Variants in NAV3 observed in about 807,000 individuals in gnomAD.
NAV3 encodes the protein neuron navigator 3.
In NAV3, 87 loss-of-function variants were observed where a neutral mutation model predicts 244.7. That is an observed-to-expected ratio of 0.36 (90% CI 0.30 to 0.42). The LOEUF (loss-of-function observed/expected upper bound fraction) is 0.42, where lower values mean the gene tolerates loss of function less well. NAV3 is among the 20% of genes least tolerant of loss of function. NAV3 has a pLI of 1.00. For missense variants in NAV3, 2,663 were observed against 2,893.3 expected (o/e 0.92, Z 1.83); for synonymous variants, 1,126 against 1,042.2 (o/e 1.08, Z -1.55).
Position 77,807,608 on chromosome 12 carries a change from AT to A in NAV3, c.73-132704del, listed in dbSNP as rs1377583759. On this transcript the variant is annotated intron_variant, in intron 2 of 8. Transcript: ENST00000550042. Reference sequence around the variant, plus strand: ...ACCTTTCTCTCTGGCTGCCCATAATATTTTTTTCCTCTATTTCAACCTTGAT... The same window carrying A: ...ACCTTTCTCTCTGGCTGCCCATAATATTTTTTCCTCTATTTCAACCTTGAT... 2.6e-5 allele frequency among the ~76,000 whole-genome samples: 4 copies of A among 151,884 alleles called. No individual in the cohort carries two copies. The East Asian group carries it at 7.8e-4, about 29-fold the overall frequency.
At chr12:77,743,355 A>AG (rs1868377683) in intron 2 of NAV3, among the ~76,000 whole-genome samples, 2 of 151,878 alleles carry the variant, frequency 1.3e-5, no homozygotes, top group South Asian at 4.1e-4. Flanking sequence ...TTTTTCGACT[A>AG]GGGGTTGGTA....
At chr12:77,707,060 T>C (rs1875852087) in intron 2 of NAV3, among the ~76,000 whole-genome samples, 1 of 151,746 alleles carries the variant, frequency 6.6e-6, no homozygotes, top group Admixed American at 6.6e-5. Context: ...TTTTTTTCTT[T>C]CTTTCTTTCT....
chr12:78,028,859 G>A (rs140246017), intron 9 of NAV3, among the ~76,000 whole-genome samples: 20 of 152,324 alleles, frequency 1.3e-4, no homozygotes, highest in African/African-American at 4.8e-4. Flanking sequence ...TCCCCGAAAT[G>A]TGACTTGTTA....
rs528387886 is a variant in NAV3 at position 78,027,721 on chromosome 12, G to A, written c.2023+5859G>A. Among the ~76,000 whole-genome samples, 16 of 152,260 alleles carry A rather than the reference G, an allele frequency of 1.1e-4. No homozygotes were observed. In the South Asian group the frequency reaches 2.1e-3, roughly 20 times the overall value. ...TCTTTTCCATGCACACCCACAAAGG[G>A]TAATACAATGGCATGTGTGCAGAAT... On this transcript the variant is annotated intron_variant, in intron 9 of 39. Transcript: ENST00000397909.
Position 77,715,097 on chromosome 12 carries a change from CT to C in NAV3, c.72+142833del, listed in dbSNP as rs940081140. ...GTTGTAAAAGCAAGAACTATAAAAA[CT>C]TAGTTATAATACTTTGTGTCCATAT... On this transcript the variant is annotated intron_variant, in intron 2 of 8. Transcript: ENST00000550042. Among the ~76,000 whole-genome samples the C allele has an allele frequency of 9.3e-4, 141 of 152,020 alleles. 1 individual carries two copies. The highest frequency in any genetic ancestry group is 3.3e-3 in the African/African-American group (135 of 41,526).
At chr12:77,813,929 G>T (rs1351766893) in intron 2 of NAV3, among the ~76,000 whole-genome samples, 1 of 152,070 alleles carries the variant, frequency 6.6e-6, no homozygotes, top group East Asian at 1.9e-4. Flanking sequence ...CCTCTTTCTT[G>T]CTCTTCTCCT....
At chr12:77,775,360 C>T (rs1265918743) in intron 2 of NAV3, among the ~76,000 whole-genome samples, 1 of 151,180 alleles carries the variant, frequency 6.6e-6, no homozygotes, top group African/African-American at 2.4e-5. Context: ...CCATTGTACT[C>T]CAGCATGGGC....
chr12:77,682,370 A>G (rs569153278), intron 2 of NAV3, among the ~76,000 whole-genome samples: 29 of 152,290 alleles, frequency 1.9e-4, no homozygotes, highest in African/African-American at 6.5e-4. Flanking sequence ...CCCATTGTGT[A>G]TAGGTATTAC....
intron 1 of NAV3, among the ~76,000 whole-genome samples, chr12:77,930,775 T>G (rs1315173440): frequency 1.3e-5 from 2 of 152,180 alleles, no homozygotes; most frequent in East Asian, 3.8e-4. Flanking sequence ...GTATAATATA[T>G]CCTTATTTTA....
At chr12:78,123,258 A>C (rs1955754665) in intron 16 of NAV3, among the ~76,000 whole-genome samples, 1 of 152,184 alleles carries the variant, frequency 6.6e-6, no homozygotes, top group Non-Finnish European at 1.5e-5. Flanking sequence ...TAAAGCTTTA[A>C]ACATGGTCTT....
chr12:77,670,785 C>A (rs1873933591), intron 2 of NAV3, among the ~76,000 whole-genome samples: 1 of 152,002 alleles, frequency 6.6e-6, no homozygotes, highest in South Asian at 2.1e-4. Context: ...AAGGGGCAAA[C>A]CTTAGGGTAA....
At chr12:77,991,917 G>A (rs1200865472) in intron 5 of NAV3, among the ~76,000 whole-genome samples, 1 of 151,986 alleles carries the variant, frequency 6.6e-6, no homozygotes, top group Admixed American at 6.6e-5. Context: ...TGTAATCCCA[G>A]CTACTTGGGA....
intron 9 of NAV3, among the ~76,000 whole-genome samples, chr12:78,043,765 A>G (rs1881284620): frequency 2.0e-5 from 3 of 152,116 alleles, no homozygotes; most frequent in Non-Finnish European, 4.4e-5. Context: ...TACTTCACCC[A>G]CTTTTTGATG....
chr12:77,783,126 A>G (rs1286205085), intron 2 of NAV3: 2 of 151,516 alleles, frequency 1.3e-5, no homozygotes, highest in Non-Finnish European at 2.9e-5. Context: ...CATTTGTAGT[A>G]TTAAGAAAGC....
rs145416082 is a variant in NAV3 at position 78,092,590 on chromosome 12, C to T, written c.2637-24182C>T. Among the ~76,000 whole-genome samples, 669 of 148,674 alleles carry T rather than the reference C, an allele frequency of 4.5e-3. 4 individuals carry two copies. Among genetic ancestry groups the T allele is most frequent in the African/African-American group, 0.016 (637 of 40,494 alleles). ...TCTTGGTTCACTGCAATCTCCGCCT[C>T]CCGGGTTCACGCCATTTTCCTGGCT... On this transcript the variant is annotated intron_variant, in intron 12 of 39. Transcript: ENST00000397909.
intron 5 of NAV3, among the ~76,000 whole-genome samples, chr12:77,990,524 G>A (rs1040579513): frequency 3.9e-5 from 6 of 152,162 alleles, no homozygotes; most frequent in Non-Finnish European, 7.4e-5. Context: ...ACAAATGTAA[G>A]TTTCTCAGAT....
chr12:77,627,166 A>AC (rs1241854352), intron 2 of NAV3, among the ~76,000 whole-genome samples: 1 of 152,132 alleles, frequency 6.6e-6, no homozygotes, highest in Non-Finnish European at 1.5e-5. Context: ...GCAAAGATAC[A>AC]CATTGACTGA....
At chr12:78,016,489 G>A (rs1053755487) in intron 8 of NAV3, among the ~76,000 whole-genome samples, 3 of 152,032 alleles carry the variant, frequency 2.0e-5, no homozygotes, top group African/African-American at 7.3e-5. Context: ...CCTGAATCGA[G>A]TAAATCTTCC....
At chr12:77,608,904 G>A (rs905507395) in intron 2 of NAV3, among the ~76,000 whole-genome samples, 2 of 151,914 alleles carry the variant, frequency 1.3e-5, no homozygotes, top group South Asian at 2.1e-4. Flanking sequence ...ACATTTATTG[G>A]CCTCAGTTTC....
Sources: gnomAD v4.1 joint callset for allele counts (sites outside exome capture counted in the v4.1 genomes callset) on GRCh38, gnomAD v4.1.1 for gene constraint, MANE v1.5 for transcripts, NCBI Gene and HGNC (gene_info 2026-07-23, HGNC 2026-07-21) for gene names.